Variants in ROBO2 observed in about 807,000 individuals in gnomAD.
ROBO2 encodes the protein roundabout guidance receptor 2, also known as roundabout homolog 2.
Under a neutral mutation model 160.8 loss-of-function variants are expected in ROBO2, and 53 were observed. The observed-to-expected ratio is 0.33, with a 90% CI of 0.26 to 0.41. ROBO2 has a LOEUF of 0.41. Ranked by LOEUF, ROBO2 falls within the 10% of genes least tolerant of loss-of-function variation. The pLI, the probability that ROBO2 is intolerant of heterozygous loss-of-function variation, is 1.00. For synonymous variants in ROBO2, 664 were observed against 611.7 expected, an observed-to-expected ratio of 1.09 and a Z score of -1.26; for missense variants, 1,577 against 1,722.4, an observed-to-expected ratio of 0.92 and a Z score of 1.49.
chr3:76,863,449 AAAAAG>A (rs1371884663), intron 2 of ROBO2, among the ~76,000 whole-genome samples: 23 of 151,540 alleles, frequency 1.5e-4, no homozygotes, highest in East Asian at 5.8e-4. Context: ...AAAAAAAAGA[AAAAAG>A]AAAAGAAAAG....
At chr3:76,085,781 C>A (rs2108059007) in intron 2 of ROBO2, among the ~76,000 whole-genome samples, 1 of 152,268 alleles carries the variant, frequency 6.6e-6, no homozygotes, top group South Asian at 2.1e-4. Context: ...TGGAGACCCA[C>A]TGTGGACAAC....
chr3:76,677,110 T>C (rs1412196267), intron 2 of ROBO2, among the ~76,000 whole-genome samples: 1 of 152,194 alleles, frequency 6.6e-6, no homozygotes, highest in African/African-American at 2.4e-5. Flanking sequence ...AGGGTTTATC[T>C]TTCCAATGCT....
At chr3:77,509,762 T>C (rs954643766) in intron 5 of ROBO2, among the ~76,000 whole-genome samples, 3 of 152,070 alleles carry the variant, frequency 2.0e-5, no homozygotes, top group Non-Finnish European at 4.4e-5. Context: ...TGTACAGCCT[T>C]CGTTTATTCC....
intron 2 of ROBO2, among the ~76,000 whole-genome samples, chr3:76,790,952 G>A (rs2063316548): frequency 6.6e-6 from 1 of 151,680 alleles, no homozygotes; most frequent in Non-Finnish European, 1.5e-5. Context: ...GATAATAGTA[G>A]CTTCTACATA....
chr3:76,410,722 A>G (rs1274875588), intron 2 of ROBO2, among the ~76,000 whole-genome samples: 1 of 152,188 alleles, frequency 6.6e-6, no homozygotes, highest in African/African-American at 2.4e-5. Flanking sequence ...TTATGCCCTA[A>G]AAGAATGTCA....
At chr3:76,821,183 T>C (rs1486900265) in intron 2 of ROBO2, among the ~76,000 whole-genome samples, 1 of 152,030 alleles carries the variant, frequency 6.6e-6, no homozygotes, top group Non-Finnish European at 1.5e-5. Context: ...TTCTATGTGC[T>C]GGTATTATTT....
At chr3:77,072,978 AG>A (rs1231964174) in intron 1 of ROBO2, among the ~76,000 whole-genome samples, 7 of 152,232 alleles carry the variant, frequency 4.6e-5, no homozygotes, top group African/African-American at 1.7e-4. Flanking sequence ...GAAGTCAGAA[AG>A]GAAATTATTT....
intron 2 of ROBO2, among the ~76,000 whole-genome samples, chr3:76,949,529 T>G (rs1373551608): frequency 6.6e-6 from 1 of 152,178 alleles, no homozygotes; most frequent in African/African-American, 2.4e-5. Flanking sequence ...TCTCCCCTAT[T>G]TAAGGTGTCC....
intron 2 of ROBO2, among the ~76,000 whole-genome samples, chr3:76,174,933 G>C (rs1311041231): frequency 6.6e-6 from 1 of 151,918 alleles, no homozygotes; most frequent in Non-Finnish European, 1.5e-5. Flanking sequence ...AATAGCATTG[G>C]ATCTATAAAT....
intron 2 of ROBO2, among the ~76,000 whole-genome samples, chr3:77,435,351 A>G (rs2079171738): frequency 6.6e-6 from 1 of 152,124 alleles, no homozygotes; most frequent in Non-Finnish European, 1.5e-5. Context: ...ATTTTATTTC[A>G]TATCATATTT....
intron 2 of ROBO2, among the ~76,000 whole-genome samples, chr3:76,880,586 AT>A (rs1303120288): frequency 6.6e-6 from 1 of 152,112 alleles, no homozygotes; most frequent in Non-Finnish European, 1.5e-5. Flanking sequence ...AAAAATTTGA[AT>A]TTTTTGGAGG....
intron 2 of ROBO2, among the ~76,000 whole-genome samples, chr3:76,161,659 C>T (rs556677468): frequency 1.3e-5 from 2 of 152,074 alleles, no homozygotes; most frequent in Admixed American, 6.6e-5. Flanking sequence ...TCCTGAGTCC[C>T]TCAGGCATAT....
At chr3:76,328,896 A>G (rs2073250259) in intron 2 of ROBO2, among the ~76,000 whole-genome samples, 1 of 114,984 alleles carries the variant, frequency 8.7e-6, no homozygotes. Flanking sequence ...ATATATATAT[A>G]TATTTATGTT....
chr3:76,199,678 A>C (rs1213585100), intron 2 of ROBO2, among the ~76,000 whole-genome samples: 2 of 152,200 alleles, frequency 1.3e-5, no homozygotes, highest in Non-Finnish European at 2.9e-5. Context: ...CAGTTGGCCC[A>C]AAATGATCAA....
Position 77,160,735 on chromosome 3 carries a change from G to A in ROBO2, c.388+62395G>A, listed in dbSNP as rs1391489898. Among the ~76,000 whole-genome samples the A allele has an allele frequency of 3.3e-5, 5 of 152,116 alleles. No homozygotes were observed. In the South Asian group the frequency reaches 6.2e-4, roughly 19 times the overall value. On this transcript the variant is annotated intron_variant, in intron 2 of 25. Transcript: ENST00000461745. The stretch of plus-strand genomic sequence containing the variant: ...ATATTTGAACTACAGTTTTAGTACC[G>A]CTACTTTAAGATAGATTCTGAGCAT...
In ROBO2 at chr3:76,523,957, G is replaced by A. The variant is rs142517114; in HGVS notation, c.110-574057G>A. ...AGTGAATGAAAATGGGGAGGAAGTG[G>A]TAAGTGAATATGCTGTGTGTGTGTG... On this transcript the variant is annotated intron_variant, in intron 2 of 26. Coordinates refer to the ROBO2 transcript ENST00000487694. Among the ~76,000 whole-genome samples the A allele has an allele frequency of 3.0e-3, 445 of 148,744 alleles. 2 individuals carry two copies. The highest frequency in any genetic ancestry group is 7.1e-3 in the Admixed American group (105 of 14,702).
intron 2 of ROBO2, among the ~76,000 whole-genome samples, chr3:76,882,172 G>T (rs1001441476): frequency 6.6e-6 from 1 of 151,542 alleles, no homozygotes; most frequent in South Asian, 2.1e-4. Flanking sequence ...CGTGGGTGAT[G>T]TTTGTTTCAT....
chr3:76,146,889 AACAC>A (rs373864019), intron 2 of ROBO2, among the ~76,000 whole-genome samples: 2 of 148,342 alleles, frequency 1.3e-5, no homozygotes, highest in Admixed American at 1.3e-4. Context: ...CACACACACA[AACAC>A]ACACACACAT....
At chr3:77,626,404 A>G (rs2095027871) in intron 23 of ROBO2, among the ~76,000 whole-genome samples, 1 of 152,184 alleles carries the variant, frequency 6.6e-6, no homozygotes, top group African/African-American at 2.4e-5. Flanking sequence ...TTTCATTGTA[A>G]TCTATGCTCA....
Sources: allele counts gnomAD v4.1 joint callset (sites outside exome capture counted in the v4.1 genomes callset), GRCh38; gene constraint gnomAD v4.1.1; transcripts MANE v1.5; gene names NCBI Gene and HGNC (gene_info 2026-07-23, HGNC 2026-07-21).